Variants in ROBO2 observed in about 807,000 individuals in gnomAD.
ROBO2 encodes roundabout homolog 2.
ROBO2 carries 53 observed loss-of-function variants against 160.8 expected under a neutral mutation model. The ratio of observed to expected loss-of-function variants is 0.33; its 90% CI spans 0.26 to 0.41. The LOEUF is 0.41. Ranked by LOEUF, ROBO2 falls within the 10% of genes least tolerant of loss-of-function variation. ROBO2 has a pLI of 1.00. For synonymous variants in ROBO2, 664 were observed against 611.7 expected, an observed-to-expected ratio of 1.09 and a Z score of -1.26; for missense variants, 1,577 against 1,722.4, an observed-to-expected ratio of 0.92 and a Z score of 1.49.
chr3:76,819,051 CCATT>C (rs1293500936), intron 2 of ROBO2, among the ~76,000 whole-genome samples: 2 of 152,044 alleles, frequency 1.3e-5, no homozygotes, highest in Non-Finnish European at 2.9e-5. Context: ...TCTTAGGTAT[CCATT>C]CATTCTTTTA....
At chr3:76,709,609 G>A (rs264555) in intron 2 of ROBO2, among the ~76,000 whole-genome samples, 55,921 of 151,796 alleles carry the variant, frequency 0.37, 11,397 homozygotes, top group Non-Finnish European at 0.47. Context: ...TAGAAAAGGG[G>A]TGAGTGGTTA....
intron 2 of ROBO2, among the ~76,000 whole-genome samples, chr3:77,004,530 T>C (rs1323615544): frequency 2.6e-5 from 4 of 152,170 alleles, no homozygotes; most frequent in Admixed American, 2.6e-4. Flanking sequence ...ACAATGTCCA[T>C]GGTATTTCTA....
chr3:77,500,463 G>A (rs1371068059), intron 5 of ROBO2, among the ~76,000 whole-genome samples: 1 of 152,084 alleles, frequency 6.6e-6, no homozygotes, highest in African/African-American at 2.4e-5. Flanking sequence ...AGTCACCTAT[G>A]AATTTTATAT....
chr3:77,561,610 C>T (rs755492245), intron 9 of ROBO2, among the ~76,000 whole-genome samples: 15 of 151,906 alleles, frequency 9.9e-5, no homozygotes, highest in South Asian at 2.1e-4. Flanking sequence ...TTTAAGTGAT[C>T]GATGAAATGG....
chr3:75,985,336 A>G (rs2065386700), intron 2 of ROBO2, among the ~76,000 whole-genome samples: 2 of 151,604 alleles, frequency 1.3e-5, no homozygotes, highest in Admixed American at 1.3e-4. Context: ...AAAGTAGACC[A>G]TGCATCACTT....
chr3:77,133,693 A>G (rs1242803988), intron 2 of ROBO2, among the ~76,000 whole-genome samples: 1 of 150,388 alleles, frequency 6.6e-6, no homozygotes, highest in African/African-American at 2.5e-5. Context: ...ATTTTAAAAT[A>G]ACATTACTGA....
At chr3:76,146,541 ACCCCATTT>A (rs1195514285) in intron 2 of ROBO2, among the ~76,000 whole-genome samples, 4 of 151,762 alleles carry the variant, frequency 2.6e-5, no homozygotes, top group Non-Finnish European at 5.9e-5. Context: ...TTTCAGGATA[ACCCCATTT>A]TGATTATCTT....
At chr3:77,085,948 T>G (rs1206132531) in intron 1 of ROBO2, among the ~76,000 whole-genome samples, 2 of 152,074 alleles carry the variant, frequency 1.3e-5, no homozygotes, top group Admixed American at 1.3e-4. Flanking sequence ...TCAATAAAGT[T>G]TATTTAATAT....
At chr3:76,583,139 A>T (rs1446702940) in intron 2 of ROBO2, among the ~76,000 whole-genome samples, 1 of 152,180 alleles carries the variant, frequency 6.6e-6, no homozygotes, top group Non-Finnish European at 1.5e-5. Context: ...GCAAAACATG[A>T]ATACCTTATG....
At chr3:76,020,802 G>A (rs1015752671) in intron 2 of ROBO2, among the ~76,000 whole-genome samples, 1 of 151,752 alleles carries the variant, frequency 6.6e-6, no homozygotes, top group Non-Finnish European at 1.5e-5. Flanking sequence ...TTGCTGACAT[G>A]TCGTCAAAAG....
chr3:76,502,037 A>G (rs2080487405), intron 2 of ROBO2, among the ~76,000 whole-genome samples: 1 of 152,178 alleles, frequency 6.6e-6, no homozygotes, highest in South Asian at 2.1e-4. Flanking sequence ...TAATATTCAA[A>G]CATTTATAAT....
At chr3:76,335,578 A>G in intron 2 of ROBO2, among the ~76,000 whole-genome samples, 1 of 148,290 alleles carries the variant, frequency 6.7e-6, no homozygotes, top group Non-Finnish European at 1.5e-5. Flanking sequence ...CATCAAAGCC[A>G]TAACTTTTTT....
Position 77,244,378 on chromosome 3 carries a change from T to C in ROBO2, c.388+146038T>C, listed in dbSNP as rs570798809. On this transcript the variant is annotated intron_variant, in intron 2 of 25. Coordinates refer to ENST00000461745, the Ensembl canonical transcript of ROBO2. ...ATGGTAAAAATACAACTGTTGGACT[T>C]AGGAAGGATTTCAGTAGTTTAAGAG... Among the ~76,000 whole-genome samples the C allele has an allele frequency of 3.3e-5, 5 of 152,248 alleles. No homozygotes were observed. In the South Asian group the frequency reaches 1.0e-3, roughly 32 times the overall value.
At chr3:77,302,046 G>C (rs1018112782) in intron 2 of ROBO2, among the ~76,000 whole-genome samples, 1 of 151,940 alleles carries the variant, frequency 6.6e-6, no homozygotes, top group Non-Finnish European at 1.5e-5. Context: ...GGGACTACTG[G>C]TGTGCATCAC....
At chr3:77,571,611 AC>A (rs2093637824) in intron 13 of ROBO2, among the ~76,000 whole-genome samples, 1 of 151,840 alleles carries the variant, frequency 6.6e-6, no homozygotes, top group Non-Finnish European at 1.5e-5. Flanking sequence ...CCTTAAGACA[AC>A]TCTTTTTTTA....
intron 21 of ROBO2, among the ~76,000 whole-genome samples, chr3:77,612,153 C>T (rs2094656594): frequency 1.3e-5 from 2 of 152,176 alleles, no homozygotes; most frequent in South Asian, 4.1e-4. Context: ...AAAACCTTCT[C>T]CAGGAAAGGT....
intron 2 of ROBO2, among the ~76,000 whole-genome samples, chr3:76,484,911 C>T (rs2079408759): frequency 6.6e-6 from 1 of 152,024 alleles, no homozygotes; most frequent in South Asian, 2.1e-4. Context: ...CATTTTTTCT[C>T]AATCCTGTCA....
intron 2 of ROBO2, among the ~76,000 whole-genome samples, chr3:77,454,059 T>C (rs1384696059): frequency 6.6e-6 from 1 of 151,848 alleles, no homozygotes; most frequent in Non-Finnish European, 1.5e-5. Flanking sequence ...TTTTAAAAAA[T>C]AGAACTTGTA....
intron 2 of ROBO2, among the ~76,000 whole-genome samples, chr3:76,474,520 ACAG>A (rs754217183): frequency 1.2e-4 from 19 of 152,280 alleles, no homozygotes; most frequent in African/African-American, 4.3e-4. Context: ...GTAATAAACA[ACAG>A]CAACAAAAGT....
Sources: allele counts gnomAD v4.1 joint callset (sites outside exome capture counted in the v4.1 genomes callset), GRCh38; gene constraint gnomAD v4.1.1; transcripts MANE v1.5; gene names NCBI Gene and HGNC (gene_info 2026-07-23, HGNC 2026-07-21).